The following SMYD2 variants were observed in gnomAD, a reference collection of about 807,000 sequenced individuals.
SMYD2 encodes SET and MYND domain containing 2, also known as N-lysine methyltransferase SMYD2.
In SMYD2, 53 loss-of-function variants were observed where a neutral mutation model predicts 59.1. The ratio of observed to expected loss-of-function variants is 0.90; its 90% CI spans 0.72 to 1.13. SMYD2 has a LOEUF of 1.13. Ranked by LOEUF, SMYD2 falls within the 50% of genes most tolerant of loss-of-function variation. SMYD2 has a pLI of 0.00. For synonymous variants in SMYD2, 208 were observed against 198.8 expected (o/e 1.05, Z -0.39); for missense variants, 494 against 544.7 (o/e 0.91, Z 0.93).
rs773548571 is a variant in SMYD2 at position 214,330,161 on chromosome 1, C to T, written c.706-7C>T. The T allele has an allele frequency of 1.9e-6, 3 of 1,580,060 alleles. No individual in the cohort carries two copies. The highest frequency in any genetic ancestry group is 8.7e-7 in the Non-Finnish European group (1 of 1,155,656). On this transcript the variant is annotated splice_polypyrimidine_tract_variant and splice_region_variant and intron_variant, in intron 7 of 11. Coordinates refer to ENST00000366957, the MANE Select transcript of SMYD2 (RefSeq NM_020197.3). ...AGACTGAAGCTTTATCTTTTTGGACCCCGTAGGTTTTTACCAGCTATATTG... is the reference window on the plus strand; with the variant it reads ...AGACTGAAGCTTTATCTTTTTGGACTCCGTAGGTTTTTACCAGCTATATTG...
intron 2 of SMYD2, among the ~76,000 whole-genome samples, chr1:214,313,177 T>C (rs575621991): frequency 2.6e-5 from 4 of 152,176 alleles, no homozygotes; most frequent in African/African-American, 9.6e-5. Context: ...AGTGTAGCGG[T>C]GCACTCTCGG....
intron 5 of SMYD2, among the ~76,000 whole-genome samples, chr1:214,320,797 C>T (rs1173449232): frequency 1.3e-5 from 2 of 152,154 alleles, no homozygotes; most frequent in Non-Finnish European, 2.9e-5. Flanking sequence ...GAAAAGGTGG[C>T]TTCAAGTTTT....
At chr1:214,287,169 T>C (rs570447040) in intron 1 of SMYD2, among the ~76,000 whole-genome samples, 64 of 152,244 alleles carry the variant, frequency 4.2e-4, no homozygotes, top group African/African-American at 1.5e-3. Context: ...GGCTAAATGT[T>C]TCTAACTTAA....
intron 6 of SMYD2, among the ~76,000 whole-genome samples, chr1:214,325,602 C>T (rs1210851895): frequency 6.6e-6 from 1 of 152,130 alleles, no homozygotes; most frequent in Non-Finnish European, 1.5e-5. Context: ...CTGCCAGACG[C>T]TGTGCGTTGT....
At chr1:214,327,379 G>A (rs562428829) in intron 6 of SMYD2, 10 of 419,154 alleles carry the variant, frequency 2.4e-5, no homozygotes, top group African/African-American at 2.0e-4. Flanking sequence ...GTGTTTTTTG[G>A]TTTTGGCTTA....
intron 3 of SMYD2, among the ~76,000 whole-genome samples, chr1:214,316,550 C>T (rs531678050): frequency 6.6e-6 from 1 of 151,938 alleles, no homozygotes; most frequent in South Asian, 2.1e-4. Flanking sequence ...CCTACCAGCC[C>T]TCCTCCACCC....
Position 214,314,742 on chromosome 1 carries a change from G to A in SMYD2, c.238-20G>A, listed in dbSNP as rs763547716. 1 of 1,588,582 alleles carries A rather than the reference G, an allele frequency of 6.3e-7. No individual in the cohort carries two copies. The highest frequency in any genetic ancestry group is 1.3e-5 in the African/African-American group (1 of 74,238). On this transcript the variant is annotated intron_variant, in intron 2 of 11. Coordinates refer to ENST00000366957, the MANE Select transcript of SMYD2 (RefSeq NM_020197.3). Reference sequence around the variant, plus strand: ...AGTGTATGTGCTATTTTTTAATAATGTTTTTTTCAATCTTCCCAGAAAGAA... The same window carrying A: ...AGTGTATGTGCTATTTTTTAATAATATTTTTTTCAATCTTCCCAGAAAGAA...
chr1:214,336,712 A>T lies in SMYD2; in HGVS notation c.1230A>T (p.Ala410=), dbSNP rs375564784. ...AGEKALKKAI[A]IMEVAHGKDH... is the part of the protein sequence containing the mutation. ...GTCTTGCTTTTTCCTAGGCCATTGCAATCATGGAAGTAGCTCACGGCAAAG... is the reference window on the plus strand; with the variant it reads ...GTCTTGCTTTTTCCTAGGCCATTGCTATCATGGAAGTAGCTCACGGCAAAG... Residue 410 remains alanine, a synonymous_variant, in exon 12 of 12, where the codon GCA becomes GCT. Transcript: ENST00000366957. 1.4e-4 allele frequency: 219 copies of T among 1,613,906 alleles called. 1 individual carries two copies. In the South Asian group the frequency reaches 1.7e-3, roughly 12 times the overall value.
At chr1:214,317,432 G>A (rs748588431) in intron 3 of SMYD2, among the ~76,000 whole-genome samples, 2 of 152,178 alleles carry the variant, frequency 1.3e-5, no homozygotes, top group Non-Finnish European at 2.9e-5. Flanking sequence ...TAGACCACCT[G>A]TATCCCCAAA....
In SMYD2 at chr1:214,299,465, T is replaced by TTATATATATATATATATATATATATATA. The variant is rs756823866; in HGVS notation, c.174-5704_174-5703insTATATATATATATATATATATATATATA. Among the ~76,000 whole-genome samples the TTATATATATATATATATATATATATATA allele has an allele frequency of 2.7e-3, 194 of 71,230 alleles. 1 individual carries two copies. Among genetic ancestry groups the TTATATATATATATATATATATATATATA allele is most frequent in the African/African-American group, 3.5e-3 (47 of 13,372 alleles). The allele number at this position is 71,230 out of a possible 152,430, so 46.7% of individuals were successfully genotyped here. ...AACAGTGAACTGGATAAAGAAAACA[T>TTATATATATATATATATATATATATATA]TATATATATATATATATACACCATA... On this transcript the variant is annotated intron_variant, in intron 1 of 11. Transcript: ENST00000366957.
Position 214,318,262 on chromosome 1 carries a change from G to T in SMYD2, c.409+123G>T. The stretch of plus-strand genomic sequence containing the variant: ...GGAGTAGTGATTTCTTTGATTACTA[G>T]TTTTTATTTTTACTCTTGTGCTGTT... On this transcript the variant is annotated intron_variant, in intron 4 of 11. Coordinates refer to ENST00000366957, the MANE Select transcript of SMYD2 (RefSeq NM_020197.3). This position sits in a 1 kb window ranked among gnomAD's most constrained non-coding sequence, Gnocchi z 5.4. The T allele has an allele frequency of 1.1e-6, 1 of 874,858 alleles. No individual in the cohort carries two copies. The highest frequency in any genetic ancestry group is 1.7e-6 in the Non-Finnish European group (1 of 572,598). The allele number at this position is 874,858 out of a possible 1,614,324, so 54.2% of individuals were successfully genotyped here.
intron 11 of SMYD2, among the ~76,000 whole-genome samples, chr1:214,335,998 A>G (rs1657429642): frequency 6.6e-6 from 1 of 152,194 alleles, no homozygotes; most frequent in South Asian, 2.1e-4. Context: ...AAAAATCAAA[A>G]TAGCTTTGAT....
At chr1:214,292,915 C>G in intron 1 of SMYD2, among the ~76,000 whole-genome samples, 1 of 152,124 alleles carries the variant, frequency 6.6e-6, no homozygotes, top group Non-Finnish European at 1.5e-5. Context: ...TCCTCTGCCT[C>G]CTTCCTAGGT....
At chr1:214,326,255 AAG>A (rs1657260373) in intron 6 of SMYD2, among the ~76,000 whole-genome samples, 4 of 151,216 alleles carry the variant, frequency 2.6e-5, no homozygotes, top group Admixed American at 6.6e-5. Context: ...AAAAAAAAAA[AAG>A]AGTGAGGTGC....
At chr1:214,319,754 G>A (rs774764589) in intron 5 of SMYD2, among the ~76,000 whole-genome samples, 2 of 152,122 alleles carry the variant, frequency 1.3e-5, no homozygotes, top group South Asian at 2.1e-4. Flanking sequence ...ATGCCTTTGC[G>A]ATGCCCTCTA....
chr1:214,281,270 C>G lies in SMYD2; in HGVS notation c.16C>G (p.Leu6Val), dbSNP rs753255877. The change falls in exon 1 of 12, where the codon CTC becomes GTC. Residue 6 changes from leucine to valine, a missense_variant. Physicochemically the swap from Leu to Val is conservative, Grantham distance 32. Transcript: ENST00000366957. MRAEG[L>V]GGLERFCSPG... ...CGCCGCCACCATGAGGGCCGAGGGC[C>G]TCGGCGGCCTGGAGCGCTTCTGCAG... 4.7e-6 allele frequency: 6 copies of G among 1,280,440 alleles called. No individual in the cohort carries two copies. The highest frequency in any genetic ancestry group is 6.0e-6 in the Non-Finnish European group (6 of 1,006,244). 79.3% of individuals were successfully genotyped at this position (1,280,440 alleles called of 1,614,324 possible). A position where few individuals can be genotyped will look rare whatever the true frequency, so the allele number is the denominator to read the frequency against.
rs749360468 is a variant in SMYD2 at position 214,281,314 on chromosome 1, G to C, written c.60G>C (p.Gly20=). 20 of 1,411,462 alleles carry C rather than the reference G, an allele frequency of 1.4e-5. No individual in the cohort carries two copies. The highest frequency in any genetic ancestry group is 1.9e-5 in the Non-Finnish European group (20 of 1,072,258). 87.4% of individuals were successfully genotyped at this position (1,411,462 alleles called of 1,614,324 possible). Residue 20 remains glycine, a synonymous_variant, in exon 1 of 12, where the codon GGG becomes GGC. Coordinates refer to ENST00000366957, the MANE Select transcript of SMYD2 (RefSeq NM_020197.3). ...TCTGCAGCCCGGGCAAAGGCCGGGG[G>C]CTGCGGGCTCTGCAGCCCTTCCAGG... is the stretch of plus-strand genomic sequence containing the variant. The part of the protein sequence containing the change: ...ERFCSPGKGR[G]LRALQPFQVG...
At chr1:214,330,051 C>T (rs900231404) in intron 7 of SMYD2, 117 bp from the exon 8 acceptor site, 4 of 588,128 alleles carry the variant, frequency 6.8e-6, no homozygotes, top group South Asian at 3.0e-5. Context: ...CGCATTCCTC[C>T]GCTGCAGCCC....
Position 214,325,317 on chromosome 1 carries a change from A to C in SMYD2, c.602+609A>C, listed in dbSNP as rs559404791. Reference sequence around the variant, plus strand: ...GATCTGACTTTAATGGATTGCCAAGAATGATTTTGCCTTTGTCTGTCTCAT... The same window carrying C: ...GATCTGACTTTAATGGATTGCCAAGCATGATTTTGCCTTTGTCTGTCTCAT... On this transcript the variant is annotated intron_variant, in intron 6 of 11. Transcript: ENST00000366957. Among the ~76,000 whole-genome samples the C allele has an allele frequency of 6.6e-5, 10 of 152,372 alleles. No individual in the cohort carries two copies. In the South Asian group the frequency reaches 2.1e-3, roughly 32 times the overall value.
Sources: allele counts gnomAD v4.1 joint callset (sites outside exome capture counted in the v4.1 genomes callset), GRCh38; gene constraint gnomAD v4.1.1; non-coding constraint Gnocchi (gnomAD v3.1); transcripts MANE v1.5; gene names NCBI Gene and HGNC (gene_info 2026-07-23, HGNC 2026-07-21).